Variants in ACTR3B observed in about 807,000 individuals in gnomAD.
ACTR3B encodes actin related protein 3B.
ACTR3B carries 8 observed loss-of-function variants against 59.0 expected under a neutral mutation model. The ratio of observed to expected loss-of-function variants is 0.14; its 90% CI spans 0.08 to 0.24. The LOEUF is 0.24. Among genes scored for constraint, ACTR3B ranks in the 10% least tolerant of loss-of-function variants. The pLI, the probability that ACTR3B is intolerant of heterozygous loss-of-function variation, is 1.00. For synonymous variants in ACTR3B, 148 were observed against 197.9 expected (o/e 0.75, Z 2.12); for missense variants, 245 against 552.3 (o/e 0.44, Z 5.58).
chr7:152,762,358 C>CT (rs1272418811), intron 1 of ACTR3B, among the ~76,000 whole-genome samples: 2 of 152,174 alleles, frequency 1.3e-5, no homozygotes, highest in African/African-American at 4.8e-5. Flanking sequence ...CATTTTTCAA[C>CT]TTTTTTTGAA....
intron 5 of ACTR3B, among the ~76,000 whole-genome samples, chr7:152,815,965 G>A (rs1364705451): frequency 7.7e-6 from 1 of 130,598 alleles, no homozygotes; most frequent in Non-Finnish European, 1.6e-5. Context: ...TTTTATTTTT[G>A]AGACAAGGTC....
rs537544472 is a variant in ACTR3B, at chr7:152,833,355, G to C, written c.951+8233G>C. Among the ~76,000 whole-genome samples the C allele has an allele frequency of 5.3e-4, 81 of 152,316 alleles. 1 individual carries two copies. The highest frequency in any genetic ancestry group is 1.1e-3 in the Non-Finnish European group (75 of 68,022). On this transcript the variant is annotated intron_variant, in intron 9 of 11. Coordinates refer to ENST00000256001, the MANE Select transcript of ACTR3B (RefSeq NM_020445.6). ...CGTATTTTAGACACAGATTTGTTCAGACTTCGCTGGGATTGCAGTCCCTGG... is the reference window on the plus strand; with the variant it reads ...CGTATTTTAGACACAGATTTGTTCACACTTCGCTGGGATTGCAGTCCCTGG...
chr7:152,853,271 C>T (rs1232245654), intron 10 of ACTR3B, among the ~76,000 whole-genome samples: 5 of 151,536 alleles, frequency 3.3e-5, no homozygotes, highest in South Asian at 2.1e-4. Flanking sequence ...TGCTGCTTGC[C>T]GGGTGCACTG....
At position 152,846,418 on chromosome 7, in the gene ACTR3B, G is replaced by T. The variant is rs535325440; in HGVS notation, c.952-5708G>T. Among the ~76,000 whole-genome samples, 205 of 143,924 alleles carry T rather than the reference G, an allele frequency of 1.4e-3. 1 individual carries two copies. The highest frequency in any genetic ancestry group is 2.1e-3 in the Non-Finnish European group (141 of 66,486). The allele number at this position is 143,924 out of a possible 152,430, so 94.4% of individuals were successfully genotyped here. Reference sequence around the variant, plus strand: ...TGCCCGGGGCTGTAGTCTGCAGTGAGCTCTAGTGTCCGGGCTGTAGTGTGT... The same window carrying T: ...TGCCCGGGGCTGTAGTCTGCAGTGATCTCTAGTGTCCGGGCTGTAGTGTGT... On this transcript the variant is annotated intron_variant, in intron 9 of 11. Coordinates refer to ENST00000256001, the MANE Select transcript of ACTR3B (RefSeq NM_020445.6).
intron 9 of ACTR3B, among the ~76,000 whole-genome samples, chr7:152,839,088 C>A (rs1422470977): frequency 6.6e-6 from 1 of 150,440 alleles, no homozygotes; most frequent in Non-Finnish European, 1.5e-5. Flanking sequence ...AGACGGTGAG[C>A]AGTGCCAAGG....
intron 1 of ACTR3B, among the ~76,000 whole-genome samples, chr7:152,760,274 C>T (rs2098085296): frequency 6.6e-6 from 1 of 152,182 alleles, no homozygotes; most frequent in African/African-American, 2.4e-5. Flanking sequence ...TGAGGGACAC[C>T]GGGAGCGCGG....
chr7:152,832,997 A>T (rs550093343), intron 9 of ACTR3B, among the ~76,000 whole-genome samples: 2 of 152,282 alleles, frequency 1.3e-5, no homozygotes, highest in East Asian at 1.9e-4. Flanking sequence ...CACGGAAGTC[A>T]AGAAGGAGTC....
chr7:152,798,706 A>G (rs374419509), intron 2 of ACTR3B, among the ~76,000 whole-genome samples: 1 of 152,294 alleles, frequency 6.6e-6, no homozygotes, highest in African/African-American at 2.4e-5. Context: ...ATTTTTGTAT[A>G]TGGTTGAGAG....
intron 1 of ACTR3B, among the ~76,000 whole-genome samples, chr7:152,782,493 T>G (rs929387256): frequency 8.5e-5 from 13 of 152,076 alleles, no homozygotes; most frequent in Admixed American, 3.3e-4. Flanking sequence ...TTGTTTTAGT[T>G]AAGACTTTTG....
chr7:152,800,832 A>T (rs2098233420), intron 3 of ACTR3B, among the ~76,000 whole-genome samples, 177 bp downstream of exon 3: 1 of 152,234 alleles, frequency 6.6e-6, no homozygotes, highest in African/African-American at 2.4e-5. Context: ...TGATTGGAGA[A>T]TTAAGGGAAT....
At chr7:152,821,880 G>A (rs1211287286) in intron 7 of ACTR3B, among the ~76,000 whole-genome samples, 1 of 152,250 alleles carries the variant, frequency 6.6e-6, no homozygotes, top group Non-Finnish European at 1.5e-5. Context: ...GTTGTGAACA[G>A]GCCTGAGGGA....
At chr7:152,830,863 AATGTTTAAGAGT>A (rs1796971565) in intron 9 of ACTR3B, among the ~76,000 whole-genome samples, 1 of 152,226 alleles carries the variant, frequency 6.6e-6, no homozygotes, top group Admixed American at 6.5e-5. Context: ...TTTAATTTTT[AATGTTTAAGAGT>A]ATGTTTAAAT....
At chr7:152,764,179 G>T (rs999654143) in intron 1 of ACTR3B, among the ~76,000 whole-genome samples, 4 of 151,380 alleles carry the variant, frequency 2.6e-5, no homozygotes, top group African/African-American at 9.7e-5. Flanking sequence ...CTGTTTTTTT[G>T]TATTTTTAGT....
intron 9 of ACTR3B, among the ~76,000 whole-genome samples, chr7:152,850,025 C>T (rs1194915749): frequency 7.0e-6 from 1 of 143,008 alleles, no homozygotes; most frequent in Non-Finnish European, 1.5e-5. Context: ...GATCACTGGT[C>T]GCTTCTCCAG....
intron 9 of ACTR3B, among the ~76,000 whole-genome samples, chr7:152,830,841 G>A (rs1796970116): frequency 1.3e-5 from 2 of 152,136 alleles, no homozygotes; most frequent in South Asian, 2.1e-4. Flanking sequence ...GAACCACTGC[G>A]CCGGCTCTAT....
chr7:152,838,400 C>A (rs1797630544), intron 9 of ACTR3B, among the ~76,000 whole-genome samples: 1 of 152,200 alleles, frequency 6.6e-6, no homozygotes, highest in South Asian at 2.1e-4. Context: ...GTGGATGAAG[C>A]TGGAAACCAT....
intron 2 of ACTR3B, among the ~76,000 whole-genome samples, chr7:152,798,529 A>G (rs2098224969): frequency 6.6e-6 from 1 of 152,084 alleles, no homozygotes; most frequent in South Asian, 2.1e-4. Flanking sequence ...GAAGATTTTT[A>G]GTTTGATGTA....
rs148049858 is a variant in ACTR3B at position 152,775,448 on chromosome 7, C to T, written c.45-7739C>T. Among the ~76,000 whole-genome samples the T allele has an allele frequency of 9.4e-4, 143 of 152,060 alleles. 2 individuals carry two copies. In the East Asian group the frequency reaches 0.025, roughly 27 times the overall value. ...TTAACAAGTAAAGTGGAAGAGTCTT[C>T]GTGCAAGGACTGTTTAAAATGTTTG... On this transcript the variant is annotated intron_variant, in intron 1 of 11. Transcript: ENST00000256001.
chr7:152,834,825 A>G (rs1054452494), intron 9 of ACTR3B, among the ~76,000 whole-genome samples: 1 of 152,214 alleles, frequency 6.6e-6, no homozygotes, highest in African/African-American at 2.4e-5. Flanking sequence ...TCTGCTGGCG[A>G]GTGAAGCAGA....
Sources: gnomAD v4.1 joint callset for allele counts (sites outside exome capture counted in the v4.1 genomes callset) on GRCh38, gnomAD v4.1.1 for gene constraint, MANE v1.5 for transcripts, NCBI Gene and HGNC (gene_info 2026-07-23, HGNC 2026-07-21) for gene names.